The following NGEF variants were observed in gnomAD, a reference collection of about 807,000 sequenced individuals.
The protein encoded by NGEF is ephexin-1.
In NGEF, 31 loss-of-function variants were observed where a neutral mutation model predicts 80.9. The ratio of observed to expected loss-of-function variants is 0.38; its 90% confidence interval spans 0.29 to 0.52. The LOEUF (loss-of-function observed/expected upper bound fraction) is 0.52. Ranked by LOEUF, NGEF falls within the 20% of genes least tolerant of loss-of-function variation. The probability of loss-of-function intolerance (pLI) is 0.84; values close to 1 mark genes in which losing one functional copy is unlikely to be tolerated. For missense variants in NGEF, 709 were observed against 926.2 expected, an observed-to-expected ratio of 0.77 and a Z score of 3.04; for synonymous variants, 371 against 370.2, an observed-to-expected ratio of 1.00 and a Z score of -0.03.
intron 14 of NGEF, 67 bp downstream of exon 14, chr2:232,881,079 C>T: frequency 7.8e-7 from 1 of 1,280,230 alleles, no homozygotes; most frequent in Non-Finnish European, 1.1e-6. Flanking sequence ...CTGCTTCTCC[C>T]CCTCCCCGTC....
chr2:232,979,116 T>C (rs10165217), intron 1 of NGEF, among the ~76,000 whole-genome samples: 126,557 of 152,092 alleles, frequency 0.83, 53,038 homozygotes, highest in African/African-American at 0.91. Flanking sequence ...TTCCAGCTGC[T>C]TGTAATCACA....
rs548270237 is a variant in NGEF at position 232,930,190 on chromosome 2, G to A, written c.384-3004C>T. ...CACATTTCTCATAGTTCCAGAGGCTGGAAGGCTGAGCTCAGAGTGACACCA... is the reference window on the plus strand; with the variant it reads ...CACATTTCTCATAGTTCCAGAGGCTAGAAGGCTGAGCTCAGAGTGACACCA... On this transcript the variant is annotated intron_variant, in intron 3 of 14. Transcript: ENST00000264051. Among the ~76,000 whole-genome samples the A allele has an allele frequency of 3.3e-5, 5 of 152,186 alleles. No homozygotes were observed. The East Asian group carries it at 7.8e-4, about 24-fold the overall frequency.
intron 6 of NGEF, 134 bp from the exon 7 acceptor site, chr2:232,893,184 G>A: frequency 1.2e-6 from 1 of 828,982 alleles, no homozygotes. Flanking sequence ...AGGCCGACAA[G>A]ATCCATCGGC....
intron 1 of NGEF, among the ~76,000 whole-genome samples, chr2:233,011,713 GAGTGGCTGAGACTAC>G: frequency 6.6e-6 from 1 of 152,232 alleles, no homozygotes; most frequent in South Asian, 2.1e-4. Context: ...TCTGCCTCCT[GAGTGGCTGAGACTAC>G]AGGCATGCAT....
chr2:232,900,324 TCA>T lies in NGEF; in HGVS notation c.829-5410_829-5409del, dbSNP rs61726498. ...CATATACACGTTCACTCACATTCAC[TCA>T]CACACGCTCTCACAGTCACTCATAC... On this transcript the variant is annotated intron_variant, in intron 5 of 14. Coordinates refer to ENST00000264051, the MANE Select transcript of NGEF (RefSeq NM_019850.3). 2.7e-3 allele frequency among the ~76,000 whole-genome samples: 52 copies of T among 19,486 alleles called. 5 individuals carry two copies. The highest frequency in any genetic ancestry group is 3.9e-3 in the Non-Finnish European group (41 of 10,456). 12.8% of individuals were successfully genotyped at this position (19,486 alleles called of 152,430 possible).
At chr2:232,936,416 T>C (rs569036899) in intron 3 of NGEF, among the ~76,000 whole-genome samples, 3 of 152,192 alleles carry the variant, frequency 2.0e-5, no homozygotes, top group Non-Finnish European at 4.4e-5. Context: ...CTCTAAGCTG[T>C]TGGAATGTGG....
intron 3 of NGEF, among the ~76,000 whole-genome samples, chr2:232,940,248 A>G (rs1226389630): frequency 6.6e-6 from 1 of 152,278 alleles, no homozygotes; most frequent in African/African-American, 2.4e-5. Flanking sequence ...TTAGCACACA[A>G]TAAGTGAATA....
intron 5 of NGEF, chr2:232,905,794 GC>G: frequency 2.9e-6 from 1 of 340,592 alleles, no homozygotes; most frequent in Non-Finnish European, 5.9e-6. Context: ...CCTGGCAGCC[GC>G]CCCGTCTGAG....
chr2:232,897,579 C>G (rs1242822236), intron 5 of NGEF, among the ~76,000 whole-genome samples: 1 of 152,160 alleles, frequency 6.6e-6, no homozygotes, highest in Non-Finnish European at 1.5e-5. Context: ...GCAGAGCACT[C>G]TAAAATAAGG....
At chr2:232,882,341 G>C in intron 12 of NGEF, 76 bp from the exon 13 acceptor site, 7 of 1,316,094 alleles carry the variant, frequency 5.3e-6, no homozygotes, top group Non-Finnish European at 7.6e-6. Flanking sequence ...AGGCTTCCCA[G>C]CTAGCTGCCC....
intron 14 of NGEF, among the ~76,000 whole-genome samples, chr2:232,880,806 G>A (rs577547645): frequency 2.0e-5 from 3 of 152,334 alleles, no homozygotes; most frequent in Non-Finnish European, 4.4e-5. Context: ...GATGTTCCTG[G>A]TTGTCCTCCC....
chr2:232,896,698 G>A (rs1574997614), intron 5 of NGEF, among the ~76,000 whole-genome samples: 2 of 28,526 alleles, frequency 7.0e-5, no homozygotes, highest in African/African-American at 2.8e-4. Flanking sequence ...GGGGGTGGGG[G>A]TAGGGGTGGG....
At chr2:232,897,654 G>C (rs976151306) in intron 5 of NGEF, among the ~76,000 whole-genome samples, 2 of 152,208 alleles carry the variant, frequency 1.3e-5, no homozygotes, top group Admixed American at 1.3e-4. Context: ...AGGGCCAGCG[G>C]CCAACTGCAG....
intron 5 of NGEF, chr2:232,901,564 C>T (rs949593842): frequency 2.6e-5 from 11 of 420,686 alleles, no homozygotes; most frequent in Admixed American, 1.9e-4. Context: ...GCCAGCAGAC[C>T]GTGGACTGAA....
chr2:232,985,402 A>G (rs903171662), intron 1 of NGEF, among the ~76,000 whole-genome samples: 2 of 152,070 alleles, frequency 1.3e-5, no homozygotes, highest in African/African-American at 4.8e-5. Context: ...AGATCACCTG[A>G]GGTCAGGAGT....
chr2:232,881,897 G>A (rs1486532264), intron 13 of NGEF, among the ~76,000 whole-genome samples: 1 of 152,124 alleles, frequency 6.6e-6, no homozygotes, highest in Non-Finnish European at 1.5e-5. Context: ...TAAGCTTTTC[G>A]GACAACTGGC....
intron 1 of NGEF, among the ~76,000 whole-genome samples, chr2:232,996,714 C>T (rs998111686): frequency 2.6e-5 from 4 of 152,082 alleles, no homozygotes; most frequent in Non-Finnish European, 5.9e-5. Flanking sequence ...AGGCTGGGCT[C>T]GAACTCCTAA....
At chr2:232,968,784 A>G (rs748007071) in intron 3 of NGEF, among the ~76,000 whole-genome samples, 1 of 152,202 alleles carries the variant, frequency 6.6e-6, no homozygotes, top group African/African-American at 2.4e-5. Context: ...GTTTTGGCTA[A>G]TAAGATATCA....
At chr2:232,972,632 G>T (rs1694216824) in intron 2 of NGEF, among the ~76,000 whole-genome samples, 1 of 151,710 alleles carries the variant, frequency 6.6e-6, no homozygotes, top group Admixed American at 6.6e-5. Context: ...TGTAAAATGG[G>T]TATGGTAAGA....
Sources: gnomAD v4.1 joint callset for allele counts (sites outside exome capture counted in the v4.1 genomes callset) on GRCh38, gnomAD v4.1.1 for gene constraint, MANE v1.5 for transcripts, NCBI Gene and HGNC (gene_info 2026-07-23, HGNC 2026-07-21) for gene names.